Variants in ANO1 observed in about 807,000 individuals in gnomAD.
ANO1 encodes anoctamin-1.
Under a neutral mutation model 124.0 loss-of-function variants are expected in ANO1, and 59 were observed. The ratio of observed to expected loss-of-function variants is 0.48; its 90% CI spans 0.39 to 0.59. The LOEUF (loss-of-function observed/expected upper bound fraction) is 0.59. Among genes scored for constraint, ANO1 ranks in the 20% least tolerant of loss-of-function variants. The pLI, the probability that ANO1 is intolerant of heterozygous loss-of-function variation, is 0.00. For missense variants in ANO1, 1,059 were observed against 1,328.0 expected, an observed-to-expected ratio of 0.80 and a Z score of 3.15; for synonymous variants, 529 against 532.0, an observed-to-expected ratio of 0.99 and a Z score of 0.08.
chr11:69,970,417 G>C, the ANO1 span, among the ~76,000 whole-genome samples: 2 of 152,314 alleles, frequency 1.3e-5, no homozygotes, highest in African/African-American at 4.8e-5. Flanking sequence ...AGTGCCACCA[G>C]CCCCATCGAT....
chr11:70,050,482 C>T lies in ANO1; in HGVS notation c.59-28060C>T, dbSNP rs79841367. Among the ~76,000 whole-genome samples the T allele has an allele frequency of 7.5e-3, 1,140 of 152,254 alleles. 15 individuals carry two copies. The highest frequency in any genetic ancestry group is 0.026 in the African/African-American group (1,083 of 41,522). On this transcript the variant is annotated intron_variant, in intron 1 of 27. Coordinates refer to the ANO1 transcript ENST00000531349. ...AAGCCCAGCCCTATGGCTCCTCCTC[C>T]CTGTAGGCTTTTCCAACTTCCCCGC...
At chr11:70,080,917 C>T (rs1565179344) in intron 1 of ANO1, among the ~76,000 whole-genome samples, 1 of 152,222 alleles carries the variant, frequency 6.6e-6, no homozygotes, top group Non-Finnish European at 1.5e-5. Flanking sequence ...CCAGGGCATC[C>T]CCGGCACCAC....
At chr11:70,162,458 A>G (rs1272257705) in intron 18 of ANO1, among the ~76,000 whole-genome samples, 1 of 152,142 alleles carries the variant, frequency 6.6e-6, no homozygotes, top group Non-Finnish European at 1.5e-5. Context: ...AAGTGGGGAC[A>G]AGGAGAGAGG....
At chr11:69,986,740 A>G (rs543116713) in intron 1 of ANO1, among the ~76,000 whole-genome samples, 15 of 152,288 alleles carry the variant, frequency 9.8e-5, no homozygotes, top group Admixed American at 2.6e-4. Flanking sequence ...CTGGCTGCAC[A>G]TAAATCACCA....
At chr11:70,074,091 T>G (rs925352878), upstream of ANO1, among the ~76,000 whole-genome samples, 1 of 152,118 alleles carries the variant, frequency 6.6e-6, no homozygotes, top group South Asian at 2.1e-4. Flanking sequence ...GGAGGTGATA[T>G]CATTTACCTG....
chr11:69,988,078 A>G (rs1856084052), intron 1 of ANO1, among the ~76,000 whole-genome samples: 1 of 152,110 alleles, frequency 6.6e-6, no homozygotes, highest in Non-Finnish European at 1.5e-5. Context: ...GCACCATTCC[A>G]CCGCAGTAGG....
intron 11 of ANO1, among the ~76,000 whole-genome samples, chr11:70,133,645 G>A (rs1052889220): frequency 5.3e-5 from 8 of 152,206 alleles, no homozygotes; most frequent in African/African-American, 1.7e-4. Flanking sequence ...CCCCTGCTCC[G>A]GAGGCTGCAT....
chr11:70,112,553 CTT>C (rs11357130), intron 7 of ANO1, among the ~76,000 whole-genome samples: 71 of 136,784 alleles, frequency 5.2e-4, no homozygotes, highest in African/African-American at 9.2e-4. Flanking sequence ...CTTTTCTTTT[CTT>C]TTTTTTTTTT....
Position 70,038,688 on chromosome 11 carries a change from G to T in ANO1, c.59-39854G>T, listed in dbSNP as rs1172734726. Among the ~76,000 whole-genome samples the T allele has an allele frequency of 3.9e-5, 6 of 152,060 alleles. No individual in the cohort carries two copies. The East Asian group carries it at 1.2e-3, about 29-fold the overall frequency. ...CCAGGGAGAGAGCCAGGACTTACCTGGTGCAAGAAACACATTTGGATTCTC... is the reference window on the plus strand; with the variant it reads ...CCAGGGAGAGAGCCAGGACTTACCTTGTGCAAGAAACACATTTGGATTCTC... On this transcript the variant is annotated intron_variant, in intron 1 of 27. Transcript: ENST00000531349.
intron 11 of ANO1, among the ~76,000 whole-genome samples, chr11:70,142,369 G>T (rs2047186177): frequency 6.6e-6 from 1 of 152,194 alleles, no homozygotes; most frequent in Admixed American, 6.5e-5. Context: ...GCTAGGTGGG[G>T]ACGAAGGGGA....
rs900972401 is a variant in ANO1, at chr11:70,151,452, T to G, written c.1342-998T>G. ...TCCCTTGCCGTTTCAATTAGAAAGA[T>G]TCAAATAGAAAAAAAAAAGCAGTCA... On this transcript the variant is annotated intron_variant, in intron 12 of 25. Coordinates refer to ENST00000355303, the MANE Select transcript of ANO1 (RefSeq NM_018043.7). 7.2e-5 allele frequency among the ~76,000 whole-genome samples: 11 copies of G among 152,150 alleles called. No individual in the cohort carries two copies. The South Asian group carries it at 2.3e-3, about 32-fold the overall frequency.
chr11:70,167,202 C>T, intron 20 of ANO1, 40 bp from the exon 21 acceptor site: 1 of 1,605,994 alleles, frequency 6.2e-7, no homozygotes. Context: ...CCCAAATTCA[C>T]CCTCCTGCAA....
intron 22 of ANO1, among the ~76,000 whole-genome samples, chr11:70,177,594 CTTTTTTTTTTTTT>C (rs57647858): frequency 5.1e-5 from 4 of 78,930 alleles, no homozygotes; most frequent in Middle Eastern, 0.017. Context: ...TTTTTTTTTT[CTTTTTTTTTTTTT>C]TTTTTTTTTT....
At chr11:70,074,450 T>G (rs763196152), upstream of ANO1, among the ~76,000 whole-genome samples, 4 of 152,254 alleles carry the variant, frequency 2.6e-5, no homozygotes, top group Non-Finnish European at 5.9e-5. Flanking sequence ...CTAGATTGTG[T>G]GTTGAATTCA....
intron 8 of ANO1, 147 bp from the exon 9 acceptor site, chr11:70,124,203 G>A (rs368699341): frequency 4.5e-5 from 31 of 691,994 alleles, no homozygotes; most frequent in East Asian, 3.0e-4. Flanking sequence ...CCATCCCCAC[G>A]TTCACAGCCC....
At chr11:70,024,833 AG>A (rs11331590) in intron 1 of ANO1, among the ~76,000 whole-genome samples, 48,706 of 152,080 alleles carry the variant, frequency 0.32, 8,493 homozygotes, top group Admixed American at 0.4. Flanking sequence ...TGGGCCTAGC[AG>A]GGGGGCACAT....
chr11:70,165,668 A>G (rs2048229976), intron 20 of ANO1, 98 bp downstream of exon 20: 4 of 937,604 alleles, frequency 4.3e-6, no homozygotes. Flanking sequence ...CGGGGCCTCA[A>G]CCAAGATGGG....
chr11:70,175,433 G>A (rs755399559), intron 22 of ANO1, among the ~76,000 whole-genome samples: 4 of 152,248 alleles, frequency 2.6e-5, no homozygotes, highest in Non-Finnish European at 5.9e-5. Flanking sequence ...AGGACAGAGA[G>A]GGCCCCTGTG....
intron 22 of ANO1, among the ~76,000 whole-genome samples, chr11:70,179,423 G>T (rs2048853926): frequency 6.6e-6 from 1 of 152,186 alleles, no homozygotes; most frequent in South Asian, 2.1e-4. Flanking sequence ...GGAGAGACCA[G>T]CATGGCCCTG....
Sources: gnomAD v4.1 joint callset for allele counts (sites outside exome capture counted in the v4.1 genomes callset) on GRCh38, gnomAD v4.1.1 for gene constraint, MANE v1.5 for transcripts, NCBI Gene and HGNC (gene_info 2026-07-23, HGNC 2026-07-21) for gene names.